The following EDNRA variants were observed in gnomAD, a reference collection of about 807,000 sequenced individuals.
EDNRA encodes endothelin-1 receptor.
A neutral mutation model predicts 41.4 loss-of-function variants in EDNRA; 11 were observed. The ratio of observed to expected loss-of-function variants is 0.27; its 90% CI spans 0.17 to 0.44. The LOEUF (loss-of-function observed/expected upper bound fraction) is 0.44, where lower values mean the gene tolerates loss of function less well. Among genes scored for constraint, EDNRA ranks in the 20% least tolerant of loss-of-function variants. The pLI, the probability that EDNRA is intolerant of heterozygous loss-of-function variation, is 1.00. For synonymous variants in EDNRA, 172 were observed against 183.0 expected (o/e 0.94, Z 0.49); for missense variants, 294 against 531.0 (o/e 0.55, Z 4.39).
chr4:147,538,839 T>C (rs1328802067), intron 5 of EDNRA, among the ~76,000 whole-genome samples: 1 of 152,212 alleles, frequency 6.6e-6, no homozygotes, highest in Non-Finnish European at 1.5e-5. Context: ...CTTAATGTTA[T>C]ATGTTTCAGG....
intron 2 of EDNRA, among the ~76,000 whole-genome samples, chr4:147,504,474 C>A (rs1401523096): frequency 1.3e-5 from 2 of 152,234 alleles, no homozygotes; most frequent in Non-Finnish European, 2.9e-5. Context: ...ACCACCAATC[C>A]TTTGTCACGT....
Position 147,519,767 on chromosome 4 carries a change from TTGGGACGCA to T in EDNRA, c.421-82_421-74del. 6.8e-7 allele frequency: 1 copy of T among 1,478,866 alleles called. No homozygotes were observed. Among genetic ancestry groups the T allele is most frequent in the African/African-American group, 1.4e-5 (1 of 70,598 alleles). 91.6% of individuals were successfully genotyped at this position (1,478,866 alleles called of 1,614,324 possible). A position where few individuals can be genotyped will look rare whatever the true frequency, so the allele number is the denominator to read the frequency against. On this transcript the variant is annotated intron_variant, in intron 2 of 7. Transcript: ENST00000651419. This position sits in a 1 kb window ranked among gnomAD's most constrained non-coding sequence, Gnocchi z 4.1. Reference sequence around the variant, plus strand: ...AAGCACTGTGAATAAAATTTAGAAGTTGGGACGCATAACTAAAACTGTAAGTGCCCACAT... The same window carrying T: ...AAGCACTGTGAATAAAATTTAGAAGTTAACTAAAACTGTAAGTGCCCACAT...
At chr4:147,540,334 A>G in intron 6 of EDNRA, 43 bp from the exon 7 acceptor site, 1 of 1,442,440 alleles carries the variant, frequency 6.9e-7, no homozygotes, top group Non-Finnish European at 9.5e-7. Flanking sequence ...AGATTTTAAA[A>G]CAATATATTC....
intron 2 of EDNRA, among the ~76,000 whole-genome samples, chr4:147,496,217 C>T (rs1426173471): frequency 1.3e-5 from 2 of 152,128 alleles, no homozygotes; most frequent in Admixed American, 1.3e-4. Context: ...AAATCTCTAA[C>T]TACTGTGAAC....
intron 4 of EDNRA, among the ~76,000 whole-genome samples, chr4:147,534,801 T>C (rs1373920255): frequency 1.3e-5 from 2 of 152,212 alleles, no homozygotes; most frequent in African/African-American, 4.8e-5. Context: ...ATTTTATGCA[T>C]GTAAAAGTAT....
In EDNRA at chr4:147,532,620, G is replaced by T; in HGVS notation, c.663G>T (p.Ala221=). ...ILSFILAIPE[A]IGFVMVPFEY... ...CCTTTATCCTGGCCATTCCTGAAGC[G>T]ATTGGCTTCGTCATGGTACCCTTTG... Residue 221 remains alanine, a synonymous_variant, in exon 4 of 8, where the codon GCG becomes GCT. Transcript: ENST00000651419. 6.2e-7 allele frequency: 1 copy of T among 1,614,050 alleles called. No individual in the cohort carries two copies.
chr4:147,525,437 T>G (rs762652826), intron 3 of EDNRA, among the ~76,000 whole-genome samples: 11 of 152,178 alleles, frequency 7.2e-5, no homozygotes, highest in Non-Finnish European at 1.3e-4. Context: ...CCAGCTTTCT[T>G]GTTGAATTAT....
Position 147,518,636 on chromosome 4 carries a change from G to T in EDNRA, c.421-1215G>T, listed in dbSNP as rs1486362097. On this transcript the variant is annotated intron_variant, in intron 2 of 7. Transcript: ENST00000651419. ...ACTGGTTTCCCAAACTCTTTCAAAG[G>T]ACTCGTGTTATGGATCACACTGACC... Among the ~76,000 whole-genome samples, 4 of 152,058 alleles carry T rather than the reference G, an allele frequency of 2.6e-5. No individual in the cohort carries two copies. The East Asian group carries it at 7.7e-4, about 29-fold the overall frequency.
chr4:147,520,886 G>A (rs1730300490), intron 3 of EDNRA, among the ~76,000 whole-genome samples: 1 of 152,104 alleles, frequency 6.6e-6, no homozygotes, highest in Non-Finnish European at 1.5e-5. Context: ...TTATTGTTAG[G>A]ACAAAAATTG....
chr4:147,501,946 T>C (rs1028742283), intron 2 of EDNRA, among the ~76,000 whole-genome samples: 5 of 152,242 alleles, frequency 3.3e-5, no homozygotes, highest in African/African-American at 9.6e-5. Context: ...TCCATAATAA[T>C]TGTGCTGTCT....
rs1878404 is a variant in EDNRA at position 147,519,473 on chromosome 4, G to A, written c.421-378G>A. Reference sequence around the variant, plus strand: ...TACTACTGTTTGAAAAGTAGGCAGCGTGACTAGTTGATGTGAGATCAAAGG... The same window carrying A: ...TACTACTGTTTGAAAAGTAGGCAGCATGACTAGTTGATGTGAGATCAAAGG... On this transcript the variant is annotated intron_variant, in intron 2 of 7. Coordinates refer to ENST00000651419, the MANE Select transcript of EDNRA (RefSeq NM_001957.4). The surrounding 1 kb of genome is among the most constrained non-coding windows in gnomAD (Gnocchi z 4.1). 0.39 allele frequency among the ~76,000 whole-genome samples: 58,310 copies of A among 151,276 alleles called. 16,420 individuals are homozygous for A. Among genetic ancestry groups the A allele is most frequent in the African/African-American group, 0.8 (33,238 of 41,336 alleles).
chr4:147,516,741 T>A (rs1730129168), intron 2 of EDNRA, among the ~76,000 whole-genome samples: 1 of 152,250 alleles, frequency 6.6e-6, no homozygotes, highest in Non-Finnish European at 1.5e-5. Context: ...GTTTTGTTTT[T>A]TTCATTGAAT....
At chr4:147,535,853 C>G in intron 4 of EDNRA, 24 bp from the exon 5 acceptor site, 1 of 1,248,706 alleles carries the variant, frequency 8.0e-7, no homozygotes, top group Non-Finnish European at 1.1e-6. Context: ...CTCCTTTTCT[C>G]TTTTTTTTTT....
chr4:147,527,434 T>C (rs1300190745), intron 3 of EDNRA, among the ~76,000 whole-genome samples: 1 of 152,238 alleles, frequency 6.6e-6, no homozygotes, highest in Non-Finnish European at 1.5e-5. Context: ...TAGGAGAGTA[T>C]TTTTAATGTA....
chr4:147,484,494 A>G (rs190666472), intron 1 of EDNRA, among the ~76,000 whole-genome samples: 1 of 152,316 alleles, frequency 6.6e-6, no homozygotes, highest in African/African-American at 2.4e-5. Flanking sequence ...GGCCTTGACA[A>G]GCTGCTTCAC....
At chr4:147,505,222 A>G in intron 2 of EDNRA, among the ~76,000 whole-genome samples, 1 of 143,776 alleles carries the variant, frequency 7.0e-6, no homozygotes, top group South Asian at 2.3e-4. Context: ...AAAAAGAGAG[A>G]GAGAGAGAGA....
At chr4:147,529,028 A>G (rs1730657684) in intron 3 of EDNRA, among the ~76,000 whole-genome samples, 1 of 152,228 alleles carries the variant, frequency 6.6e-6, no homozygotes, top group South Asian at 2.1e-4. Context: ...ACATAGGAAG[A>G]TCAGTTAGGA....
chr4:147,513,974 A>C (rs1299350449), intron 2 of EDNRA, among the ~76,000 whole-genome samples: 2 of 152,250 alleles, frequency 1.3e-5, no homozygotes, highest in Non-Finnish European at 2.9e-5. Flanking sequence ...AACATCTGGA[A>C]TGGATAAAGA....
intron 3 of EDNRA, among the ~76,000 whole-genome samples, chr4:147,522,081 GA>G (rs1463093810): frequency 2.0e-5 from 3 of 152,084 alleles, no homozygotes; most frequent in Non-Finnish European, 4.4e-5. Flanking sequence ...AAATCACTTT[GA>G]ATATAATCGG....
Sources: allele counts gnomAD v4.1 joint callset (sites outside exome capture counted in the v4.1 genomes callset), GRCh38; gene constraint gnomAD v4.1.1; non-coding constraint Gnocchi (gnomAD v3.1); transcripts MANE v1.5; gene names NCBI Gene and HGNC (gene_info 2026-07-23, HGNC 2026-07-21).